The following DLG3 variants were observed in gnomAD, a reference collection of about 807,000 sequenced individuals.
The protein encoded by DLG3 is discs large MAGUK scaffold protein 3, also known as disks large homolog 3.
Under a neutral mutation model 64.1 loss-of-function variants are expected in DLG3, and 1 was observed. The observed-to-expected ratio is 0.02, with a 90% CI of 0.01 to 0.07. DLG3 has a LOEUF of 0.07. Ranked by LOEUF, DLG3 falls within the 10% of genes least tolerant of loss-of-function variation. The pLI is 1.00. For synonymous variants in DLG3, 245 were observed against 259.8 expected, an observed-to-expected ratio of 0.94 and a Z score of 0.55; for missense variants, 429 against 669.5, an observed-to-expected ratio of 0.64 and a Z score of 3.96.
intron 10 of DLG3, among the ~76,000 whole-genome samples, chrX:70,486,396 T>C (rs775449202): frequency 9.8e-5 from 11 of 111,863 alleles, no homozygotes; most frequent in Non-Finnish European, 1.7e-4. Context: ...GGCACAGTGT[T>C]TTCCTCTGAT....
intron 10 of DLG3, among the ~76,000 whole-genome samples, chrX:70,484,979 G>A (rs1242424283): frequency 3.6e-5 from 4 of 112,196 alleles, no homozygotes; most frequent in South Asian, 3.7e-4. Context: ...CTAAGGTCAA[G>A]GGCTGATGAG....
chrX:70,448,108 G>A (rs376365264), intron 1 of DLG3, among the ~76,000 whole-genome samples: 23 of 112,060 alleles, frequency 2.1e-4, no homozygotes, highest in South Asian at 1.5e-3. Context: ...AAATGGATTA[G>A]GACTTTGACT....
chrX:70,447,388 T>A (rs975257464), intron 1 of DLG3, among the ~76,000 whole-genome samples: 1 of 111,990 alleles, frequency 8.9e-6, no homozygotes, highest in Admixed American at 9.4e-5. Context: ...TGGTTTCGGG[T>A]CTCTAAGGAG....
intron 5 of DLG3, 80 bp from the exon 6 acceptor site, chrX:70,450,559 C>T: frequency 8.8e-7 from 1 of 1,139,027 alleles, no homozygotes; most frequent in Non-Finnish European, 1.2e-6. Flanking sequence ...TGTTGAATTT[C>T]ACTGAAAAGG....
At chrX:70,490,410 TTC>T (rs750009498) in intron 10 of DLG3, among the ~76,000 whole-genome samples, 67 of 111,739 alleles carry the variant, frequency 6.0e-4, no homozygotes, top group African/African-American at 2.0e-3. Flanking sequence ...TCAGTTTTGA[TTC>T]TGTCACACAT....
rs186630995 is a variant in DLG3, at chrX:70,492,405, G to A, written c.1698-116G>A. 1.3e-3 allele frequency: 1,402 copies of A among 1,108,014 alleles called. 8 individuals carry two copies. In the African/African-American group the frequency reaches 0.023, roughly 18 times the overall value. The allele number at this position is 1,108,014 out of a possible 1,213,427, so 91.3% of individuals were successfully genotyped here. A position where few individuals can be genotyped will look rare whatever the true frequency, so the allele number is the denominator to read the frequency against. ...GCCTTGATTCCTTTTTGGTAGAGTC[G>A]GTACTCAACATGGTTTTTACTCAGT... On this transcript the variant is annotated intron_variant, in intron 11 of 18. Coordinates refer to ENST00000374360, the MANE Select transcript of DLG3 (RefSeq NM_021120.4).
At chrX:70,498,619 G>T in intron 14 of DLG3, 49 bp downstream of exon 14, 1 of 1,125,907 alleles carries the variant, frequency 8.9e-7, no homozygotes, top group East Asian at 3.1e-5. Flanking sequence ...CCTGGTCGTG[G>T]GGCTCAATAC....
intron 12 of DLG3, among the ~76,000 whole-genome samples, chrX:70,494,294 A>G (rs2087413772): frequency 8.9e-6 from 1 of 112,444 alleles, no homozygotes; most frequent in South Asian, 3.7e-4. Flanking sequence ...CTGGCTTGAA[A>G]AATGTCTTCT....
At position 70,504,590 on chromosome X, in the gene DLG3, CA is replaced by C. The variant is rs1217382652; in HGVS notation, c.*2324del. The C allele has an allele frequency of 2.7e-5, 3 of 111,906 alleles. No individual in the cohort carries two copies. The highest frequency in any genetic ancestry group is 9.8e-5 in the African/African-American group (3 of 30,728). The allele number at this position is 111,906 out of a possible 1,213,427, so 9.2% of individuals were successfully genotyped here. Reference sequence around the variant, plus strand: ...TCCACCCCAGCCCCAGACACTGCTTCAAATAGCACCAACCAGATGGGAGTCC... The same window carrying C: ...TCCACCCCAGCCCCAGACACTGCTTCAATAGCACCAACCAGATGGGAGTCC... On this transcript the variant is annotated 3_prime_UTR_variant, in exon 19 of 19. Coordinates refer to ENST00000374360, the MANE Select transcript of DLG3 (RefSeq NM_021120.4).
chrX:70,477,370 C>T (rs992703080), intron 9 of DLG3, among the ~76,000 whole-genome samples: 1 of 112,157 alleles, frequency 8.9e-6, no homozygotes, highest in Admixed American at 9.5e-5. Flanking sequence ...TGCCCATAGC[C>T]GGTGAGCTCA....
Position 70,448,952 on chromosome X carries a change from G to A in DLG3, c.397G>A (p.Val133Ile), listed in dbSNP as rs140249987. ...TGGCATGTTCAAATATGAGGAAATC[G>A]TACTTGAGAGGGTGAGTCTGCCAGT... is the stretch of plus-strand genomic sequence containing the variant. Reference protein sequence around the residue: ...SDGMFKYEEIVLERGNSGLGF... With the variant: ...SDGMFKYEEIILERGNSGLGF... Residue 133 changes from valine to isoleucine, a missense_variant, in exon 2 of 19, where the codon GTA becomes ATA. Coordinates refer to ENST00000374360, the MANE Select transcript of DLG3 (RefSeq NM_021120.4). The A allele has an allele frequency of 5.2e-5, 63 of 1,206,614 alleles. No homozygotes were observed. The African/African-American group carries it at 7.0e-4, about 13-fold the overall frequency.
chrX:70,477,725 A>G (rs2087080567), intron 9 of DLG3, among the ~76,000 whole-genome samples: 1 of 112,150 alleles, frequency 8.9e-6, no homozygotes, highest in African/African-American at 3.2e-5. Context: ...GTGATGAATG[A>G]AAGAGCACAC....
At chrX:70,491,638 C>T (rs751715070) in intron 10 of DLG3, among the ~76,000 whole-genome samples, 1 of 112,272 alleles carries the variant, frequency 8.9e-6, no homozygotes, top group Non-Finnish European at 1.9e-5. Flanking sequence ...TTTGGCTGCC[C>T]GAGGACATAG....
chrX:70,483,369 G>C (rs1278141501), intron 10 of DLG3, among the ~76,000 whole-genome samples: 1 of 113,064 alleles, frequency 8.8e-6, no homozygotes, highest in Admixed American at 9.3e-5. Flanking sequence ...AAGAATTTGG[G>C]CACAGTTGCA....
intron 4 of DLG3, 80 bp downstream of exon 4, chrX:70,449,939 G>C (rs1465924850): frequency 2.0e-5 from 22 of 1,105,190 alleles, no homozygotes; most frequent in Middle Eastern, 2.4e-4. Flanking sequence ...AATTGGAAGG[G>C]AATGGCCTTA....
intron 9 of DLG3, among the ~76,000 whole-genome samples, chrX:70,474,508 C>T (rs1289349980): frequency 9.2e-6 from 1 of 109,050 alleles, no homozygotes; most frequent in Non-Finnish European, 1.9e-5. Context: ...GGGGGTTTGG[C>T]ATGAGGAAAA....
At chrX:70,491,559 A>G (rs1279483425) in intron 10 of DLG3, among the ~76,000 whole-genome samples, 1 of 112,635 alleles carries the variant, frequency 8.9e-6, no homozygotes, top group East Asian at 2.8e-4. Flanking sequence ...TATGTAAGAG[A>G]AAGAGACCGC....
At chrX:70,501,694 G>A (rs1383622696) in intron 18 of DLG3, among the ~76,000 whole-genome samples, 2 of 110,461 alleles carry the variant, frequency 1.8e-5, no homozygotes, top group Non-Finnish European at 3.8e-5. Context: ...CAGATGTGAT[G>A]GGCCCAGGAG....
chrX:70,446,675 G>T (rs1302011829), intron 1 of DLG3, among the ~76,000 whole-genome samples: 1 of 113,057 alleles, frequency 8.8e-6, no homozygotes, highest in African/African-American at 3.2e-5. Flanking sequence ...TGCCAGCTTA[G>T]AAAATGGAAG....
Sources: allele counts gnomAD v4.1 joint callset (sites outside exome capture counted in the v4.1 genomes callset), GRCh38; gene constraint gnomAD v4.1.1; transcripts MANE v1.5; gene names NCBI Gene and HGNC (gene_info 2026-07-23, HGNC 2026-07-21).